The following DAAM1 variants were observed in gnomAD, a reference collection of about 807,000 sequenced individuals.
DAAM1 encodes the protein dishevelled associated activator of morphogenesis 1.
Under a neutral mutation model 130.0 loss-of-function variants are expected in DAAM1, and 52 were observed. That is an observed-to-expected ratio of 0.40 (90% CI 0.32 to 0.50). DAAM1 has a LOEUF of 0.50. DAAM1 is among the 20% of genes least tolerant of loss of function. DAAM1 has a pLI of 0.61. For synonymous variants in DAAM1, 452 were observed against 444.5 expected (o/e 1.02, Z -0.21); for missense variants, 1,134 against 1,303.8 (o/e 0.87, Z 2.01).
chr14:59,193,356 T>C (rs1447983816), intron 1 of DAAM1, among the ~76,000 whole-genome samples: 1 of 152,218 alleles, frequency 6.6e-6, no homozygotes, highest in East Asian at 1.9e-4. Context: ...GTCACCTTGT[T>C]TGTAGCCCCA....
At position 59,370,869 on chromosome 14, in the gene DAAM1, T is replaced by C. The variant is rs1325134268; in HGVS notation, c.*2010T>C. ...TGTAGCAGGATAAATTTGGTCTGGC[T>C]CAGTTTTGGAACTGTATTTTGAAAA... On this transcript the variant is annotated 3_prime_UTR_variant, in exon 25 of 25. Coordinates refer to ENST00000360909, the MANE Select transcript of DAAM1 (RefSeq NM_001270520.2). 6.6e-6 allele frequency: 1 copy of C among 152,160 alleles called. No homozygotes were observed. The allele number at this position is 152,160 out of a possible 1,614,324, so 9.4% of individuals were successfully genotyped here. A position where few individuals can be genotyped will look rare whatever the true frequency, so the allele number is the denominator to read the frequency against.
intron 1 of DAAM1, among the ~76,000 whole-genome samples, chr14:59,258,057 T>G (rs1594783861): frequency 6.6e-6 from 1 of 152,204 alleles, no homozygotes; most frequent in Non-Finnish European, 1.5e-5. Context: ...GAATAATGTT[T>G]TAGTTTTCTT....
At chr14:59,200,595 T>G (rs190505855) in intron 1 of DAAM1, among the ~76,000 whole-genome samples, 291 of 152,322 alleles carry the variant, frequency 1.9e-3, no homozygotes, top group African/African-American at 6.8e-3. Context: ...TATAAGGTTT[T>G]AAAAACCAAC....
intron 1 of DAAM1, among the ~76,000 whole-genome samples, chr14:59,240,427 G>A (rs1353716202): frequency 2.0e-5 from 3 of 152,058 alleles, no homozygotes; most frequent in Admixed American, 6.5e-5. Context: ...ATCTTTATGG[G>A]ACAGAAATCC....
intron 2 of DAAM1, among the ~76,000 whole-genome samples, chr14:59,273,682 A>G (rs1313371767): frequency 6.6e-6 from 1 of 152,244 alleles, no homozygotes; most frequent in African/African-American, 2.4e-5. Context: ...GTGTCCTCAT[A>G]TAAGCCAATA....
At chr14:59,206,230 A>G (rs1004479568) in intron 1 of DAAM1, among the ~76,000 whole-genome samples, 2 of 152,140 alleles carry the variant, frequency 1.3e-5, no homozygotes, top group African/African-American at 4.8e-5. Context: ...TACATGTAAG[A>G]TTGTGTAATT....
intron 1 of DAAM1, among the ~76,000 whole-genome samples, chr14:59,209,923 C>G (rs1296071907): frequency 1.3e-5 from 2 of 151,618 alleles, no homozygotes; most frequent in South Asian, 4.2e-4. Flanking sequence ...TTGAGAGTAG[C>G]CTGGGCAACA....
intron 2 of DAAM1, chr14:59,264,351 A>G (rs1185322642): frequency 6.6e-6 from 1 of 152,556 alleles, no homozygotes; most frequent in Non-Finnish European, 1.5e-5. Flanking sequence ...ATTTCAGAAG[A>G]TATTATGGCA....
chr14:59,360,615 A>G lies in DAAM1; in HGVS notation c.2634-187A>G, dbSNP rs1023475667. ...CCTGCTGGCTACAGAAAACAAACAT[A>G]ATTTTATACCTACATTTCATGAGTT... is the stretch of plus-strand genomic sequence containing the variant. On this transcript the variant is annotated intron_variant, in intron 21 of 24. Coordinates refer to ENST00000360909, the MANE Select transcript of DAAM1 (RefSeq NM_001270520.2). The G allele has an allele frequency of 2.3e-4, 96 of 409,362 alleles. 1 individual carries two copies. Among genetic ancestry groups the G allele is most frequent in the Middle Eastern group, 1.9e-3 (3 of 1,584 alleles). 25.4% of individuals were successfully genotyped at this position (409,362 alleles called of 1,614,324 possible). A position where few individuals can be genotyped will look rare whatever the true frequency, so the allele number is the denominator to read the frequency against.
intron 1 of DAAM1, among the ~76,000 whole-genome samples, chr14:59,259,645 A>G (rs1487826771): frequency 6.6e-6 from 1 of 152,216 alleles, no homozygotes; most frequent in East Asian, 1.9e-4. Flanking sequence ...CCCTGAGGAC[A>G]CATACCAGAG....
chr14:59,335,804 C>T (rs1426980160), intron 15 of DAAM1, among the ~76,000 whole-genome samples: 1 of 152,122 alleles, frequency 6.6e-6, no homozygotes, highest in Non-Finnish European at 1.5e-5. Flanking sequence ...ATGTAATACA[C>T]AAGACATTTT....
chr14:59,354,617 G>A (rs1266932173), intron 19 of DAAM1, among the ~76,000 whole-genome samples: 1 of 152,190 alleles, frequency 6.6e-6, no homozygotes, highest in African/African-American at 2.4e-5. Flanking sequence ...ATTTGAGGCT[G>A]TTGTATGGTT....
At chr14:59,241,897 CTT>C (rs1048801457) in intron 1 of DAAM1, among the ~76,000 whole-genome samples, 2 of 151,800 alleles carry the variant, frequency 1.3e-5, no homozygotes, top group Admixed American at 6.6e-5. Flanking sequence ...CTCTCTCTCT[CTT>C]TTTTTTCCCC....
At chr14:59,362,234 C>T in intron 22 of DAAM1, 1 of 151,856 alleles carries the variant, frequency 6.6e-6, no homozygotes, top group Non-Finnish European at 1.5e-5. Context: ...GATAGTTTTG[C>T]TGAAATCACT....
chr14:59,263,604 C>G lies in DAAM1; in HGVS notation c.127C>G (p.Pro43Ala). The G allele has an allele frequency of 6.2e-7, 1 of 1,614,198 alleles. No homozygotes were observed. Among genetic ancestry groups the G allele is most frequent in the Non-Finnish European group, 8.5e-7 (1 of 1,180,038 alleles). ...DSNFALQTME[P>A]ALPMPPVEEL... ...CAACTTTGCGCTTCAGACCATGGAACCAGCATTGCCCATGCCCCCTGTGGA... is the reference window on the plus strand; with the variant it reads ...CAACTTTGCGCTTCAGACCATGGAAGCAGCATTGCCCATGCCCCCTGTGGA... The change falls in exon 2 of 25, where the codon CCA becomes GCA. Residue 43 changes from proline to alanine, a missense_variant. This residue lies in a region of DAAM1 where 99 missense variants were observed against 86.4 expected (regional missense o/e 1.15). Coordinates refer to ENST00000360909, the MANE Select transcript of DAAM1 (RefSeq NM_001270520.2).
At chr14:59,222,537 G>A (rs1014348257) in intron 1 of DAAM1, among the ~76,000 whole-genome samples, 7 of 152,172 alleles carry the variant, frequency 4.6e-5, no homozygotes, top group African/African-American at 1.7e-4. Context: ...CAGCCTTGGC[G>A]AGTTGAAGTC....
chr14:59,342,363 ACT>A (rs1885883643), intron 16 of DAAM1, among the ~76,000 whole-genome samples: 1 of 152,120 alleles, frequency 6.6e-6, no homozygotes, highest in East Asian at 1.9e-4. Context: ...CAGTTGTTTT[ACT>A]CTCTCATCAG....
At chr14:59,206,536 A>G (rs963303280) in intron 1 of DAAM1, among the ~76,000 whole-genome samples, 1 of 152,164 alleles carries the variant, frequency 6.6e-6, no homozygotes, top group Admixed American at 6.5e-5. Context: ...CGGCCTCCCA[A>G]AGTGCTGGGA....
intron 23 of DAAM1, among the ~76,000 whole-genome samples, chr14:59,366,094 A>G (rs1271356386): frequency 6.7e-6 from 1 of 150,366 alleles, no homozygotes; most frequent in Non-Finnish European, 1.5e-5. Context: ...GGCCATTTAA[A>G]AAGATTGACA....
Sources: allele counts gnomAD v4.1 joint callset (sites outside exome capture counted in the v4.1 genomes callset), GRCh38; gene constraint gnomAD v4.1.1; regional missense constraint gnomAD v4.1.1; transcripts MANE v1.5; gene names NCBI Gene and HGNC (gene_info 2026-07-23, HGNC 2026-07-21).